Variants in SYNE2 observed in about 807,000 individuals in gnomAD.
SYNE2 encodes nesprin-2.
Under a neutral mutation model 856.3 loss-of-function variants are expected in SYNE2, and 431 were observed. The observed-to-expected ratio is 0.50, with a 90% CI of 0.47 to 0.55. SYNE2 has a LOEUF of 0.55. Ranked by LOEUF, SYNE2 falls within the 20% of genes least tolerant of loss-of-function variation. The pLI is 0.00. For missense variants in SYNE2, 8,129 were observed against 8,023.2 expected (o/e 1.01, Z -0.50); for synonymous variants, 2,923 against 2,872.3 (o/e 1.02, Z -0.56).
intron 85 of SYNE2, among the ~76,000 whole-genome samples, chr14:64,154,014 T>C (rs966454609): frequency 9.9e-5 from 15 of 152,072 alleles, no homozygotes; most frequent in Admixed American, 9.2e-4. Flanking sequence ...TCATACAATA[T>C]ACAAAAATTA....
At chr14:64,204,501 G>A (rs1345796439) in intron 100 of SYNE2, 9 of 152,140 alleles carry the variant, frequency 5.9e-5, no homozygotes, top group Non-Finnish European at 8.8e-5. Context: ...TTATAAATCC[G>A]AAGTGTGACA....
rs567556275 is a variant in SYNE2 at position 64,216,559 on chromosome 14, C to G, written c.19542+172C>G. On this transcript the variant is annotated intron_variant, in intron 108 of 115. Coordinates refer to ENST00000555002, the MANE Select transcript of SYNE2 (RefSeq NM_182914.3). ...GAGCTGTCCATACTTCATTAGAACCCCGGCAAAACCGATTAGACTTAGAGA... is the reference window on the plus strand; with the variant it reads ...GAGCTGTCCATACTTCATTAGAACCGCGGCAAAACCGATTAGACTTAGAGA... 11 of 760,206 alleles carry G rather than the reference C, an allele frequency of 1.4e-5. No homozygotes were observed. The South Asian group carries it at 1.5e-4, about 10-fold the overall frequency. The allele number at this position is 760,206 out of a possible 1,614,324, so 47.1% of individuals were successfully genotyped here. A position where few individuals can be genotyped will look rare whatever the true frequency, so the allele number is the denominator to read the frequency against.
chr14:64,130,364 C>CT (rs1431991628), intron 76 of SYNE2, 116 bp downstream of exon 76: 7 of 971,890 alleles, frequency 7.2e-6, no homozygotes, highest in Non-Finnish European at 1.1e-5. Flanking sequence ...GCTATTCATT[C>CT]TTTTAATAAA....
chr14:64,163,465 C>G lies in SYNE2; in HGVS notation c.16363C>G (p.Arg5455Gly). ...TCTCCAAAATTCCAGTGTCCTGGATCGACTCCCACAACCCGCAGAGTCCAG... is the reference window on the plus strand; with the variant it reads ...TCTCCAAAATTCCAGTGTCCTGGATGGACTCCCACAACCCGCAGAGTCCAG... ...AFLQNSSVLD[R>G]LPQPAESSTH... Residue 5455 changes from arginine to glycine, a missense_variant, in exon 89 of 116, where the codon CGA becomes GGA. Physicochemically the swap from Arg to Gly is moderately radical, Grantham distance 125. This residue lies in a region of SYNE2 where 5,410 missense variants were observed against 5,284.8 expected (regional missense o/e 1.02). Coordinates refer to ENST00000555002, the MANE Select transcript of SYNE2 (RefSeq NM_182914.3). 1.9e-6 allele frequency: 3 copies of G among 1,614,134 alleles called. No homozygotes were observed. Among genetic ancestry groups the G allele is most frequent in the Non-Finnish European group, 2.5e-6 (3 of 1,180,018 alleles).
chr14:63,810,049 C>T (rs1888555256), intron 1 of SYNE2, among the ~76,000 whole-genome samples: 1 of 152,104 alleles, frequency 6.6e-6, no homozygotes, highest in African/African-American at 2.4e-5. Context: ...TAGCCAGACA[C>T]TGTCTCTACA....
At chr14:63,785,702 A>G (rs1003026542) in intron 1 of SYNE2, among the ~76,000 whole-genome samples, 2 of 152,216 alleles carry the variant, frequency 1.3e-5, no homozygotes, top group African/African-American at 4.8e-5. Flanking sequence ...ATATGTGGCT[A>G]TGTCTCATAA....
chr14:63,978,729 A>G (rs2153470760), intron 13 of SYNE2, 123 bp from the exon 14 acceptor site: 3 of 737,106 alleles, frequency 4.1e-6, no homozygotes, highest in Middle Eastern at 3.9e-4. Flanking sequence ...ACAATGATAC[A>G]TCTGAGTTCC....
intron 58 of SYNE2, among the ~76,000 whole-genome samples, chr14:64,088,536 A>C (rs117602216): frequency 6.6e-6 from 1 of 152,182 alleles, no homozygotes; most frequent in Non-Finnish European, 1.5e-5. Context: ...TTACGGAGGC[A>C]GAGGCAGAAG....
At position 64,053,556 on chromosome 14, in the gene SYNE2, C is replaced by A; in HGVS notation, c.9643C>A (p.Gln3215Lys). The A allele has an allele frequency of 6.2e-7, 1 of 1,614,206 alleles. No homozygotes were observed. The highest frequency in any genetic ancestry group is 8.5e-7 in the Non-Finnish European group (1 of 1,180,034). The part of the protein sequence containing the change: ...SIKAVTAIEK[Q>K]REENSSEASD... ...TAAAGCTGTGACTGCTATTGAGAAACAAAGAGAAGAAAACTCTTCTGAAGC... is the reference window on the plus strand; with the variant it reads ...TAAAGCTGTGACTGCTATTGAGAAAAAAAGAGAAGAAAACTCTTCTGAAGC... Residue 3215 changes from glutamine (Q) to lysine (K), a missense_variant, in exon 48 of 116, where the codon CAA becomes AAA. Around this residue, in one of 3 missense-constraint regions of SYNE2, gnomAD observed 5,410 missense variants for 5,284.8 expected, o/e 1.02. Coordinates refer to ENST00000555002, the MANE Select transcript of SYNE2 (RefSeq NM_182914.3).
At chr14:64,188,499 G>T (rs760959539) in intron 97 of SYNE2, 51 bp from the exon 98 acceptor site, 19 of 1,607,864 alleles carry the variant, frequency 1.2e-5, no homozygotes, top group Non-Finnish European at 1.6e-5. Context: ...AGAGAAGGGG[G>T]TGCTTTCCTT....
Position 64,025,229 on chromosome 14 carries a change from T to C in SYNE2, c.6060T>C (p.Asp2020=). Residue 2020 remains aspartate (D), a synonymous_variant, in exon 41 of 116, where the codon GAT becomes GAC. Transcript: ENST00000555002. ...EIIMEATCLM[D]RYQTLLRQLS... ...TAATGGAAGCAACATGTTTGATGGA[T>C]AGATACCAGACATTACTGAGACAAC... The C allele has an allele frequency of 6.2e-7, 1 of 1,614,058 alleles. No homozygotes were observed. The highest frequency in any genetic ancestry group is 1.1e-5 in the South Asian group (1 of 91,074).
intron 1 of SYNE2, among the ~76,000 whole-genome samples, chr14:63,888,837 TAAGAAC>T (rs2095057935): frequency 6.6e-6 from 1 of 152,176 alleles, no homozygotes; most frequent in Non-Finnish European, 1.5e-5. Context: ...CTGTAGAGAT[TAAGAAC>T]ATGAAAATAC....
Position 64,057,468 on chromosome 14 carries a change from G to A in SYNE2, c.10067+1202G>A, listed in dbSNP as rs566644637. ...TGACAGGATTTCATTTTTTTTTAAT[G>A]GCTAAATAATACTCCTTTGTGTGTA... On this transcript the variant is annotated intron_variant, in intron 49 of 115. Coordinates refer to ENST00000555002, the MANE Select transcript of SYNE2 (RefSeq NM_182914.3). 8.6e-4 allele frequency among the ~76,000 whole-genome samples: 130 copies of A among 151,916 alleles called. 2 individuals are homozygous for A. The South Asian group carries it at 0.023, about 27-fold the overall frequency.
At chr14:63,973,713 C>G (rs2096501693) in intron 11 of SYNE2, among the ~76,000 whole-genome samples, 1 of 141,636 alleles carries the variant, frequency 7.1e-6, no homozygotes, top group Non-Finnish European at 1.5e-5. Flanking sequence ...AAGATAAAAA[C>G]AAGCAAAACA....
chr14:64,044,995 G>C (rs935894590), intron 45 of SYNE2, among the ~76,000 whole-genome samples: 2 of 152,158 alleles, frequency 1.3e-5, no homozygotes. Flanking sequence ...TAAAATGAAT[G>C]TGCAGAGTAA....
Position 64,212,983 on chromosome 14 carries a change from G to A in SYNE2, c.19034G>A (p.Arg6345Gln), listed in dbSNP as rs141882853. Residue 6345 changes from arginine (R) to glutamine (Q), a missense_variant, in exon 105 of 116, where the codon CGG becomes CAG. By Grantham distance (43) the Arg-to-Gln change is conservative. Transcript: ENST00000555002. Reference sequence around the variant, plus strand: ...TTTGGAAGGGTCTCCCGGTTCCACCGGCGGCTCACCTCCTGCACTCCGGTA... The same window carrying A: ...TTTGGAAGGGTCTCCCGGTTCCACCAGCGGCTCACCTCCTGCACTCCGGTA... ...EVFGRVSRFH[R>Q]RLTSCTPGLE... 1.4e-4 allele frequency: 223 copies of A among 1,613,682 alleles called. No individual in the cohort carries two copies. Among genetic ancestry groups the A allele is most frequent in the African/African-American group, 2.9e-4 (22 of 75,032 alleles).
chr14:63,770,536 A>T (rs1418007471), intron 1 of SYNE2, among the ~76,000 whole-genome samples: 1 of 152,184 alleles, frequency 6.6e-6, no homozygotes, highest in Non-Finnish European at 1.5e-5. Flanking sequence ...ACAGTGGCTT[A>T]TGTCTGTAAT....
intron 1 of SYNE2, among the ~76,000 whole-genome samples, chr14:63,892,337 A>G (rs2095151940): frequency 6.6e-6 from 1 of 152,006 alleles, no homozygotes; most frequent in African/African-American, 2.4e-5. Flanking sequence ...GACTAGTTCA[A>G]CTTTGTAAAT....
In SYNE2 at chr14:63,999,020, G is replaced by A. The variant is rs1308847332; in HGVS notation, c.3460G>A (p.Ala1154Thr). 6.2e-7 allele frequency: 1 copy of A among 1,613,806 alleles called. No individual in the cohort carries two copies. The highest frequency in any genetic ancestry group is 1.1e-5 in the South Asian group (1 of 91,072). ...EEDRSSSCLQ[A>T]KLTDLQVIKN... ...GGACAGGAGTAGTTCTTGTCTGCAG[G>A]CTAAACTGACAGATCTACAGGTAAT... Residue 1154 changes from alanine (A) to threonine (T), a missense_variant, in exon 27 of 116, where the codon GCT (alanine) becomes ACT (threonine). Physicochemically the swap from Ala to Thr is moderately conservative, Grantham distance 58 (BLOSUM62 0). This residue lies in a region of SYNE2 where 2,422 missense variants were observed against 2,357.4 expected (regional missense o/e 1.03). Transcript: ENST00000555002.
Sources: gnomAD v4.1 joint callset for allele counts (sites outside exome capture counted in the v4.1 genomes callset) on GRCh38, gnomAD v4.1.1 for gene constraint, gnomAD v4.1.1 regional missense constraint, MANE v1.5 for transcripts, NCBI Gene and HGNC (gene_info 2026-07-23, HGNC 2026-07-21) for gene names.